RASA3: variants seen among roughly 807,000 people sequenced by gnomAD.
RASA3 encodes the protein RAS p21 protein activator 3.
A neutral mutation model predicts 110.0 loss-of-function variants in RASA3; 73 were observed. The observed-to-expected ratio is 0.66, with a 90% CI of 0.55 to 0.81. The LOEUF is 0.81. Ranked by LOEUF, RASA3 falls within the 30% of genes least tolerant of loss-of-function variation. RASA3 has a pLI of 0.00. For synonymous variants in RASA3, 500 were observed against 451.4 expected, an observed-to-expected ratio of 1.11 and a Z score of -1.37; for missense variants, 976 against 1,113.2, an observed-to-expected ratio of 0.88 and a Z score of 1.75.
chr13:113,998,066 G>A (rs953412207), intron 20 of RASA3, among the ~76,000 whole-genome samples: 8 of 152,214 alleles, frequency 5.3e-5, no homozygotes, highest in African/African-American at 1.9e-4. Context: ...ATCGGGCTCT[G>A]AGGAAGTCAG....
At chr13:114,087,265 C>G (rs1163657192) in intron 1 of RASA3, among the ~76,000 whole-genome samples, 1 of 151,160 alleles carries the variant, frequency 6.6e-6, no homozygotes, top group African/African-American at 2.4e-5. Flanking sequence ...TTCCCTTCGT[C>G]CTCGCGGGGA....
rs528698806 is a variant in RASA3, at chr13:114,118,923, T to C, written c.55+13512A>G. ...CAGGGGTGTGGGTGCCACCGTGGGG[T>C]CCCCCAGAAGGAAACCAGGGGAGCA... On this transcript the variant is annotated intron_variant, in intron 1 of 23. Coordinates refer to ENST00000334062, the MANE Select transcript of RASA3 (RefSeq NM_007368.4). 5.3e-4 allele frequency among the ~76,000 whole-genome samples: 80 copies of C among 152,172 alleles called. No individual in the cohort carries two copies. In the South Asian group the frequency reaches 0.015, roughly 28 times the overall value.
rs776412846 is a variant in RASA3, at chr13:114,018,190, G to A, written c.1005C>T (p.Ala335=). ...GTAGGAAGAGCCGCACCAGCGGGAC[G>A]GCCGCCTCCTGCTTCTCCCGGCAAA... is the stretch of plus-strand genomic sequence containing the variant. ...GEVCREKQEA[A]VPLVRLFLHY... Residue 335 remains alanine (A), a synonymous_variant, in exon 11 of 24, where the codon GCC becomes GCT. Transcript: ENST00000334062. 17 of 1,552,418 alleles carry A rather than the reference G, an allele frequency of 1.1e-5. No individual in the cohort carries two copies. In the East Asian group the frequency reaches 1.7e-4, roughly 16 times the overall value.
At chr13:114,130,628 T>C (rs1053031608) in intron 1 of RASA3, among the ~76,000 whole-genome samples, 1 of 152,174 alleles carries the variant, frequency 6.6e-6, no homozygotes, top group African/African-American at 2.4e-5. Context: ...TCTGAGACTC[T>C]GGTCTTCCCT....
intron 1 of RASA3, among the ~76,000 whole-genome samples, chr13:114,079,681 C>A (rs2079750424): frequency 6.6e-6 from 1 of 152,208 alleles, no homozygotes; most frequent in South Asian, 2.1e-4. Flanking sequence ...CAGTGAGGCA[C>A]AGAAGCCTCT....
chr13:114,046,316 T>A (rs1199613716), intron 3 of RASA3, among the ~76,000 whole-genome samples: 1 of 152,090 alleles, frequency 6.6e-6, no homozygotes, highest in African/African-American at 2.4e-5. Context: ...GAGGTGGTGG[T>A]GGAAGAAAAC....
intron 1 of RASA3, chr13:114,077,708 C>T: frequency 5.6e-6 from 4 of 712,174 alleles, no homozygotes; most frequent in Non-Finnish European, 6.8e-6. Flanking sequence ...GGCACCAAGG[C>T]ACCGGGTTCC....
intron 22 of RASA3, among the ~76,000 whole-genome samples, chr13:113,989,617 C>T (rs2053060395): frequency 6.7e-6 from 1 of 149,782 alleles, no homozygotes; most frequent in South Asian, 2.2e-4. Flanking sequence ...CATCACTCAC[C>T]CTGTCCATCC....
chr13:113,989,551 CATCCACCCATCACTCATCCATCT>C (rs1231405491), intron 22 of RASA3, among the ~76,000 whole-genome samples: 3 of 151,508 alleles, frequency 2.0e-5, no homozygotes, highest in Admixed American at 1.3e-4. Context: ...CCCATCCTTC[CATCCACCCATCACTCATCCATCT>C]ATCCACCCAT....
chr13:114,127,277 C>G (rs935229974), intron 1 of RASA3, among the ~76,000 whole-genome samples: 10 of 152,226 alleles, frequency 6.6e-5, no homozygotes, highest in Non-Finnish European at 1.5e-4. Flanking sequence ...ATGACGCCCC[C>G]AGGGCTGCCT....
intron 2 of RASA3, among the ~76,000 whole-genome samples, chr13:114,061,325 G>A (rs980452536): frequency 3.9e-5 from 6 of 152,042 alleles, no homozygotes; most frequent in Admixed American, 2.0e-4. Flanking sequence ...TCTTAGAACC[G>A]CAAACTACGG....
chr13:114,119,108 G>A (rs1039260937), intron 1 of RASA3, among the ~76,000 whole-genome samples: 93 of 151,696 alleles, frequency 6.1e-4, no homozygotes, highest in African/African-American at 2.0e-3. Flanking sequence ...CCTGGGAAGG[G>A]CACATGGAGG....
Position 113,996,673 on chromosome 13 carries a change from C to T in RASA3, c.1999G>A (p.Asp667Asn). The change falls in exon 21 of 24, where the codon GAC (aspartate) becomes AAC (asparagine). Residue 667 changes from aspartate to asparagine, a missense_variant. Physicochemically the swap from Asp to Asn is conservative, Grantham distance 23. Transcript: ENST00000334062. ...IQANNCVEAKDWIDILTKVSQ... is the reference protein window; with the variant it reads ...IQANNCVEAKNWIDILTKVSQ... ...ACTTTGGTGAGAATGTCGATCCAGT[C>T]CTTGGCCTCCACGCAGTTGTTGGCC... The T allele has an allele frequency of 6.2e-7, 1 of 1,613,850 alleles. No individual in the cohort carries two copies.
Position 114,018,185 on chromosome 13 carries a change from G to A in RASA3, c.1010C>T (p.Pro337Leu), listed in dbSNP as rs768368382. The change falls in exon 11 of 24, where the codon CCG (proline) becomes CTG (leucine). Residue 337 changes from proline (P) to leucine (L), a missense_variant. Physicochemically the swap from Pro to Leu is moderately conservative, Grantham distance 98 (BLOSUM62 -3). Around this residue, in one of 4 missense-constraint regions of RASA3, gnomAD observed 732 missense variants for 779.7 expected, o/e 0.94. Transcript: ENST00000334062. ...VCREKQEAAV[P>L]LVRLFLHYGR... is the part of the protein sequence containing the mutation. ...ATAGTGTAGGAAGAGCCGCACCAGC[G>A]GGACGGCCGCCTCCTGCTTCTCCCG... 9 of 1,552,252 alleles carry A rather than the reference G, an allele frequency of 5.8e-6. No homozygotes were observed. The highest frequency in any genetic ancestry group is 3.9e-5 in the Admixed American group (2 of 51,334).
chr13:114,024,190 T>C (rs2053984338), intron 8 of RASA3, 89 bp downstream of exon 8: 2 of 1,226,060 alleles, frequency 1.6e-6, no homozygotes, highest in African/African-American at 3.0e-5. Context: ...TTTCTATCTA[T>C]GACCCTATAT....
At chr13:114,071,729 G>A (rs951427990) in intron 2 of RASA3, among the ~76,000 whole-genome samples, 2 of 152,016 alleles carry the variant, frequency 1.3e-5, no homozygotes, top group Non-Finnish European at 2.9e-5. Flanking sequence ...CTCACTCCTC[G>A]GCCTGGAGGG....
At chr13:114,023,945 C>T (rs2053979486) in intron 8 of RASA3, among the ~76,000 whole-genome samples, 1 of 152,176 alleles carries the variant, frequency 6.6e-6, no homozygotes, top group Non-Finnish European at 1.5e-5. Context: ...GCCCTGCGAC[C>T]TCTGAGTGAG....
intron 10 of RASA3, 43 bp from the exon 11 acceptor site, chr13:114,018,295 G>A: frequency 6.5e-7 from 1 of 1,534,870 alleles, no homozygotes; most frequent in South Asian, 1.2e-5. Context: ...CGGGGTGCAG[G>A]AACCCCAGAG....
At position 114,132,419 on chromosome 13, in the gene RASA3, G is replaced by A. The variant is rs1238384555; in HGVS notation, c.55+16C>T. The A allele has an allele frequency of 1.3e-6, 2 of 1,515,038 alleles. No individual in the cohort carries two copies. The highest frequency in any genetic ancestry group is 2.1e-5 in the Admixed American group (1 of 48,544). The allele number at this position is 1,515,038 out of a possible 1,614,324, so 93.8% of individuals were successfully genotyped here. On this transcript the variant is annotated intron_variant, in intron 1 of 23. Transcript: ENST00000334062. ...GGGCCGGGGGGTCGGACGCGTGGCT[G>A]CCGGCGGACACTCACCGATCTTGAT...
Sources: allele counts gnomAD v4.1 joint callset (sites outside exome capture counted in the v4.1 genomes callset), GRCh38; gene constraint gnomAD v4.1.1; regional missense constraint gnomAD v4.1.1; transcripts MANE v1.5; gene names NCBI Gene and HGNC (gene_info 2026-07-23, HGNC 2026-07-21).